The following DGKH variants were observed in gnomAD, a reference collection of about 807,000 sequenced individuals.
The protein encoded by DGKH is diacylglycerol kinase eta.
In DGKH, 90 loss-of-function variants were observed where a neutral mutation model predicts 159.3. The ratio of observed to expected loss-of-function variants is 0.57; its 90% CI spans 0.48 to 0.67. The LOEUF is 0.67. Among genes scored for constraint, DGKH ranks in the 30% least tolerant of loss-of-function variants. The pLI is 0.00. For synonymous variants in DGKH, 536 were observed against 553.8 expected (o/e 0.97, Z 0.45); for missense variants, 1,181 against 1,506.1 (o/e 0.78, Z 3.57).
chr13:42,221,599 TA>T (rs1253910762), intron 29 of DGKH, among the ~76,000 whole-genome samples: 1 of 152,226 alleles, frequency 6.6e-6, no homozygotes, highest in Non-Finnish European at 1.5e-5. Flanking sequence ...ATCACTCTAT[TA>T]TAGCTAAAGC....
At chr13:42,069,651 T>A in intron 1 of DGKH, 3 of 1,299,064 alleles carry the variant, frequency 2.3e-6, no homozygotes, top group Non-Finnish European at 3.2e-6. Flanking sequence ...CTTTGCTTTG[T>A]TCTTTCCAAT....
At chr13:42,197,487 T>C (rs746884496) in intron 17 of DGKH, among the ~76,000 whole-genome samples, 5 of 152,060 alleles carry the variant, frequency 3.3e-5, no homozygotes, top group Non-Finnish European at 7.4e-5. Flanking sequence ...GCCTAAACAT[T>C]AAAATAATGA....
intron 1 of DGKH, among the ~76,000 whole-genome samples, chr13:42,104,818 G>A (rs1184936323): frequency 6.6e-6 from 1 of 152,058 alleles, no homozygotes; most frequent in Non-Finnish European, 1.5e-5. Flanking sequence ...GCCTAAAGCT[G>A]GTAATTCCTC....
At chr13:42,072,350 A>C (rs1566086666) in intron 1 of DGKH, among the ~76,000 whole-genome samples, 1 of 152,178 alleles carries the variant, frequency 6.6e-6, no homozygotes, top group Non-Finnish European at 1.5e-5. Flanking sequence ...AAATCTGGAC[A>C]ATCAATGTAC....
chr13:42,138,839 CA>C (rs1217771409), intron 3 of DGKH, among the ~76,000 whole-genome samples: 2 of 152,060 alleles, frequency 1.3e-5, no homozygotes, highest in African/African-American at 4.8e-5. Flanking sequence ...TATTTTATAG[CA>C]CTCTAAAATG....
chr13:42,181,247 C>A (rs1445116501), intron 13 of DGKH, among the ~76,000 whole-genome samples: 8 of 145,220 alleles, frequency 5.5e-5, no homozygotes, highest in East Asian at 4.1e-4. Flanking sequence ...ACTGCACTCC[C>A]GCCTGGGCCA....
chr13:42,155,707 A>G lies in DGKH; in HGVS notation c.530A>G (p.Asn177Ser). 1 of 1,614,148 alleles carries G rather than the reference A, an allele frequency of 6.2e-7. No individual in the cohort carries two copies. The highest frequency in any genetic ancestry group is 8.5e-7 in the Non-Finnish European group (1 of 1,180,024). Residue 177 changes from asparagine to serine, a missense_variant, in exon 5 of 30, where the codon AAC becomes AGC. Around this residue, in one of 5 missense-constraint regions of DGKH, gnomAD observed 369 missense variants for 519.4 expected, o/e 0.71. Coordinates refer to ENST00000337343, the MANE Select transcript of DGKH (RefSeq NM_178009.5). ...GTGGAACATTTCTCAGGGATGCACA[A>G]CTGGTACGCCTGCTCCCACGCCCGA... ...FNVEHFSGMH[N>S]WYACSHARPT... is the part of the protein sequence containing the mutation.
At chr13:42,255,788 C>T in intron 30 of DGKH, 1 of 496,536 alleles carries the variant, frequency 2.0e-6, no homozygotes, top group Non-Finnish European at 3.5e-6. Flanking sequence ...GGAATATTTT[C>T]TCTGTCATTG....
chr13:42,099,175 G>T (rs1300428210), intron 1 of DGKH, among the ~76,000 whole-genome samples: 1 of 152,108 alleles, frequency 6.6e-6, no homozygotes, highest in Non-Finnish European at 1.5e-5. Flanking sequence ...TCAGTTCACT[G>T]GCGCTTTCCG....
At chr13:42,243,728 C>A (rs780349015), downstream of DGKH, among the ~76,000 whole-genome samples, 2 of 152,030 alleles carry the variant, frequency 1.3e-5, no homozygotes, top group African/African-American at 2.4e-5. Context: ...GAGGACAGTG[C>A]AAGCAAAGAT....
chr13:42,237,999 G>A lies in DGKH; in HGVS notation c.*8811G>A, dbSNP rs1249952099. 2 of 152,186 alleles carry A rather than the reference G, an allele frequency of 1.3e-5. No individual in the cohort carries two copies. The highest frequency in any genetic ancestry group is 4.8e-5 in the African/African-American group (2 of 41,438). The allele number at this position is 152,186 out of a possible 1,614,324, so 9.4% of individuals were successfully genotyped here. ...TGAAATTCACAATACCTAGAGATGG[G>A]AACATGGTTTAGGTTTATCCAGTTC... On this transcript the variant is annotated 3_prime_UTR_variant, in exon 30 of 30. Transcript: ENST00000337343.
At chr13:42,171,828 CTTTT>C (rs541194131) in intron 11 of DGKH, among the ~76,000 whole-genome samples, 10 of 102,410 alleles carry the variant, frequency 9.8e-5, no homozygotes, top group East Asian at 2.6e-4. Context: ...ATATAAATTT[CTTTT>C]TTTTTTTTTT....
intron 1 of DGKH, chr13:42,069,008 A>G: frequency 6.8e-7 from 1 of 1,472,084 alleles, no homozygotes; most frequent in Non-Finnish European, 9.5e-7. Context: ...GAAGCTGTTA[A>G]TGTGGCCTGT....
chr13:42,247,009 T>G (rs1958585613), downstream of DGKH, among the ~76,000 whole-genome samples: 1 of 152,180 alleles, frequency 6.6e-6, no homozygotes. Flanking sequence ...AAGATTATAA[T>G]GAAGCTGAAA....
chr13:42,113,639 GGCTTGAAGCAGTTTCACA>G (rs1487362998), intron 1 of DGKH, among the ~76,000 whole-genome samples: 1 of 152,202 alleles, frequency 6.6e-6, no homozygotes, highest in African/African-American at 2.4e-5. Context: ...ACGAAAGCCA[GGCTTGAAGCAGTTTCACA>G]GGTGGCCGAT....
chr13:42,206,198 G>A, intron 21 of DGKH, 52 bp downstream of exon 21: 2 of 1,200,034 alleles, frequency 1.7e-6, no homozygotes, highest in Non-Finnish European at 2.2e-6. Context: ...TATATCACTG[G>A]AATAATTTGC....
rs1958239623 is a variant in DGKH at position 42,229,673 on chromosome 13, C to T, written c.*485C>T. 6.5e-6 allele frequency: 1 copy of T among 153,478 alleles called. No individual in the cohort carries two copies. The highest frequency in any genetic ancestry group is 1.5e-5 in the Non-Finnish European group (1 of 68,948). The allele number at this position is 153,478 out of a possible 1,614,324, so 9.5% of individuals were successfully genotyped here. On this transcript the variant is annotated 3_prime_UTR_variant, in exon 30 of 30. Transcript: ENST00000337343. ...GTGATTTGAATGTAGATTGGTATCA[C>T]CTCCAACTCCTAGTGCTTAGTGGTC...
In DGKH at chr13:42,234,929, G is replaced by C. The variant is rs1421012386; in HGVS notation, c.*5741G>C. 6.6e-6 allele frequency: 1 copy of C among 152,072 alleles called. No individual in the cohort carries two copies. 9.4% of individuals were successfully genotyped at this position (152,072 alleles called of 1,614,324 possible). A position where few individuals can be genotyped will look rare whatever the true frequency, so the allele number is the denominator to read the frequency against. The stretch of plus-strand genomic sequence containing the variant: ...AACTTTTAAAACGTGATGATTATTG[G>C]TTTTTATAATACACAAAGCATTAAT... On this transcript the variant is annotated 3_prime_UTR_variant, in exon 30 of 30. Coordinates refer to ENST00000337343, the MANE Select transcript of DGKH (RefSeq NM_178009.5).
intron 17 of DGKH, 76 bp from the exon 18 acceptor site, chr13:42,198,402 T>C: frequency 1.6e-6 from 2 of 1,249,070 alleles, no homozygotes; most frequent in Non-Finnish European, 2.3e-6. Flanking sequence ...ATATTTGATA[T>C]CAGGCCTGGA....
Sources: allele counts gnomAD v4.1 joint callset (sites outside exome capture counted in the v4.1 genomes callset), GRCh38; gene constraint gnomAD v4.1.1; regional missense constraint gnomAD v4.1.1; transcripts MANE v1.5; gene names NCBI Gene and HGNC (gene_info 2026-07-23, HGNC 2026-07-21).